Variants in ALDH1A1 observed in about 807,000 individuals in gnomAD.
ALDH1A1 encodes the protein aldehyde dehydrogenase 1 family member A1.
In ALDH1A1, 19 loss-of-function variants were observed where a neutral mutation model predicts 62.1. The ratio of observed to expected loss-of-function variants is 0.31; its 90% confidence interval spans 0.21 to 0.45. ALDH1A1 has a LOEUF of 0.45. Among genes scored for constraint, ALDH1A1 ranks in the 20% least tolerant of loss-of-function variants. The probability of loss-of-function intolerance (pLI) is 1.00; values close to 1 mark genes in which losing one functional copy is unlikely to be tolerated. For missense variants in ALDH1A1, 521 were observed against 607.1 expected (o/e 0.86, Z 1.49); for synonymous variants, 231 against 215.9 (o/e 1.07, Z -0.61).
Position 72,940,266 on chromosome 9 carries a change from G to A in ALDH1A1, c.67-14C>T. On this transcript the variant is annotated splice_polypyrimidine_tract_variant and intron_variant, in intron 1 of 12. Transcript: ENST00000297785. ...GTTTATGAAGATCTGTAGAGATGAA[G>A]AGAAAATACATACAAGGCGCTTAAA... 1 of 1,594,316 alleles carries A rather than the reference G, an allele frequency of 6.3e-7. No homozygotes were observed. The highest frequency in any genetic ancestry group is 8.6e-7 in the Non-Finnish European group (1 of 1,162,870).
chr9:72,923,959 C>T (rs1476080243), intron 7 of ALDH1A1, 60 bp downstream of exon 7: 1 of 1,166,392 alleles, frequency 8.6e-7, no homozygotes, highest in African/African-American at 1.6e-5. Flanking sequence ...TTACATAAAA[C>T]ATACTTCATA....
At chr9:72,952,771 T>C (rs975569011) in intron 1 of ALDH1A1, among the ~76,000 whole-genome samples, 164 bp downstream of exon 1, 14 of 152,094 alleles carry the variant, frequency 9.2e-5, no homozygotes, top group African/African-American at 3.4e-4. Context: ...ATTTAGATCA[T>C]ATTTGATCAG....
intron 6 of ALDH1A1, 33 bp downstream of exon 6, chr9:72,925,451 T>A: frequency 6.2e-7 from 1 of 1,608,680 alleles, no homozygotes; most frequent in Non-Finnish European, 8.5e-7. Flanking sequence ...GATTCTTGAG[T>A]TCTTGAGCAT....
intron 7 of ALDH1A1, among the ~76,000 whole-genome samples, chr9:72,920,975 C>T (rs1830133576): frequency 2.0e-5 from 3 of 152,140 alleles, no homozygotes; most frequent in Admixed American, 6.5e-5. Flanking sequence ...TGGGATATTG[C>T]GGTGGCTCAC....
At chr9:72,909,306 A>G (rs1016688404) in intron 11 of ALDH1A1, among the ~76,000 whole-genome samples, 1 of 151,772 alleles carries the variant, frequency 6.6e-6, no homozygotes, top group Non-Finnish European at 1.5e-5. Flanking sequence ...GATTACAGGC[A>G]TCACACCCAT....
intron 2 of ALDH1A1, among the ~76,000 whole-genome samples, chr9:72,939,615 T>C (rs1830391375): frequency 6.6e-6 from 1 of 151,664 alleles, no homozygotes; most frequent in Admixed American, 6.6e-5. Flanking sequence ...CCTCACGGGC[T>C]AAAGCAATTC....
At chr9:72,912,148 G>GA in intron 9 of ALDH1A1, 26 bp from the exon 10 acceptor site, 3 of 1,586,232 alleles carry the variant, frequency 1.9e-6, no homozygotes, top group Non-Finnish European at 2.6e-6. Flanking sequence ...CACATGAAAA[G>GA]AAAAAAAGTA....
rs1240755091 is a variant in ALDH1A1, at chr9:72,928,938, G to A, written c.396C>T (p.Tyr132=). ...DLAGCIKTLR[Y]CAGWADKIQG... is the part of the protein sequence containing the mutation. ...GGATCTTGTCAGCCCAACCTGCACA[G>A]TAGCGCAATGTTTTGATGCAGCCTG... The change falls in exon 4 of 13, where the codon TAC becomes TAT. Residue 132 remains tyrosine (Y), a synonymous_variant. Transcript: ENST00000297785. The A allele has an allele frequency of 1.2e-6, 2 of 1,613,972 alleles. No individual in the cohort carries two copies. The highest frequency in any genetic ancestry group is 1.7e-6 in the Non-Finnish European group (2 of 1,179,924).
At position 72,916,885 on chromosome 9, in the gene ALDH1A1, C is replaced by T. The variant is rs375756175; in HGVS notation, c.1035+35G>A. 148 of 1,502,008 alleles carry T rather than the reference C, an allele frequency of 9.9e-5. 1 individual carries two copies. Among genetic ancestry groups the T allele is most frequent in the South Asian group, 8.8e-4 (65 of 73,878 alleles). The allele number at this position is 1,502,008 out of a possible 1,614,324, so 93.0% of individuals were successfully genotyped here. Reference sequence around the variant, plus strand: ...CTAAAGAGGATACTTTATTCCTGTGCCCTGAAAATGCTATCCTTTCTATTT... The same window carrying T: ...CTAAAGAGGATACTTTATTCCTGTGTCCTGAAAATGCTATCCTTTCTATTT... On this transcript the variant is annotated intron_variant, in intron 9 of 12. Coordinates refer to ENST00000297785, the MANE Select transcript of ALDH1A1 (RefSeq NM_000689.5).
At chr9:72,945,559 T>C (rs1267172539) in intron 1 of ALDH1A1, among the ~76,000 whole-genome samples, 3 of 151,988 alleles carry the variant, frequency 2.0e-5, no homozygotes, top group Non-Finnish European at 2.9e-5. Context: ...GGTGTGAACC[T>C]GTGGAGACTG....
chr9:72,935,744 G>A (rs532673700), intron 2 of ALDH1A1, among the ~76,000 whole-genome samples: 11 of 152,020 alleles, frequency 7.2e-5, no homozygotes, highest in African/African-American at 1.2e-4. Flanking sequence ...TTATAATACC[G>A]TTGAAAGGCG....
chr9:72,940,507 C>G (rs1174261398), intron 1 of ALDH1A1, among the ~76,000 whole-genome samples: 1 of 152,134 alleles, frequency 6.6e-6, no homozygotes, highest in Admixed American at 6.5e-5. Flanking sequence ...AGAAAACAAT[C>G]TAGAAAACAA....
intron 1 of ALDH1A1, among the ~76,000 whole-genome samples, chr9:72,941,164 G>A (rs1393189777): frequency 1.3e-5 from 2 of 152,102 alleles, no homozygotes; most frequent in African/African-American, 4.8e-5. Flanking sequence ...CTAACACAGG[G>A]AGTAAAGGAA....
intron 7 of ALDH1A1, 126 bp from the exon 8 acceptor site, chr9:72,918,948 C>CTT: frequency 1.4e-5 from 8 of 563,664 alleles, no homozygotes; most frequent in South Asian, 5.5e-5. Flanking sequence ...CACCAAATGG[C>CTT]TTTTTTTTTT....
intron 12 of ALDH1A1, 84 bp downstream of exon 12, chr9:72,905,874 G>A: frequency 8.7e-7 from 1 of 1,152,028 alleles, no homozygotes; most frequent in Non-Finnish European, 1.2e-6. Context: ...TTTTATGTAA[G>A]GTGAAAACTA....
chr9:72,908,555 GAAAGAAAGAAAGAAAGA>G (rs1564622503), intron 11 of ALDH1A1, among the ~76,000 whole-genome samples: 2 of 3,262 alleles, frequency 6.1e-4, no homozygotes, highest in African/African-American at 1.4e-3. Flanking sequence ...AAAGAAAGAA[GAAAGAAAGAAAGAAAGA>G]AAGAAAGAAA....
rs141763068 is a variant in ALDH1A1, at chr9:72,908,552, G to GAAGA, written c.1358+1046_1358+1049dup. 7.6e-3 allele frequency among the ~76,000 whole-genome samples: 700 copies of GAAGA among 91,788 alleles called. 8 individuals are homozygous for GAAGA. The highest frequency in any genetic ancestry group is 9.5e-3 in the African/African-American group (185 of 19,496). The allele number at this position is 91,788 out of a possible 152,430, so 60.2% of individuals were successfully genotyped here. ...GAAAGAAAGAAAGAAAGAAAAGAAAGAAGAAAGAAAGAAAGAAAGAAAGAA... is the reference window on the plus strand; with the variant it reads ...GAAAGAAAGAAAGAAAGAAAAGAAAGAAGAAAGAAAGAAAGAAAGAAAGAAAGAA... On this transcript the variant is annotated intron_variant, in intron 11 of 12. Coordinates refer to ENST00000297785, the MANE Select transcript of ALDH1A1 (RefSeq NM_000689.5).
Position 72,917,730 on chromosome 9 carries a change from C to G in ALDH1A1, c.851-626G>C, listed in dbSNP as rs1424487. On this transcript the variant is annotated intron_variant, in intron 8 of 12. Coordinates refer to ENST00000297785, the MANE Select transcript of ALDH1A1 (RefSeq NM_000689.5). ...CCTATAAACTCTTATTTATTTTAGG[C>G]GATAAAATGTGCATTAAAAGGAAGA... 1.3e-5 allele frequency among the ~76,000 whole-genome samples: 2 copies of G among 151,990 alleles called. 1 individual carries two copies. The highest frequency in any genetic ancestry group is 4.1e-4 in the South Asian group (2 of 4,820).
chr9:72,902,242 T>C (rs1417028956), intron 12 of ALDH1A1, among the ~76,000 whole-genome samples: 1 of 152,044 alleles, frequency 6.6e-6, no homozygotes, highest in Non-Finnish European at 1.5e-5. Context: ...ACTAAAAAGA[T>C]TGGGCTCAGT....
Sources: gnomAD v4.1 joint callset for allele counts (sites outside exome capture counted in the v4.1 genomes callset) on GRCh38, gnomAD v4.1.1 for gene constraint, MANE v1.5 for transcripts, NCBI Gene and HGNC (gene_info 2026-07-23, HGNC 2026-07-21) for gene names.